Variants in AGBL1 observed in about 807,000 individuals in gnomAD.
AGBL1 encodes cytosolic carboxypeptidase 4.
AGBL1 carries 130 observed loss-of-function variants against 118.9 expected under a neutral mutation model. That is an observed-to-expected ratio of 1.09 (90% CI 0.95 to 1.26). The LOEUF (loss-of-function observed/expected upper bound fraction) is 1.26, where lower values mean the gene tolerates loss of function less well. Ranked by LOEUF, AGBL1 falls within the 50% of genes most tolerant of loss-of-function variation. The pLI is 0.00. For missense variants in AGBL1, 1,584 were observed against 1,298.1 expected (o/e 1.22, Z -3.38); for synonymous variants, 555 against 478.9 (o/e 1.16, Z -2.08).
chr15:86,129,380 A>G (rs1420104921), intron 1 of AGBL1, among the ~76,000 whole-genome samples: 1 of 152,164 alleles, frequency 6.6e-6, no homozygotes, highest in Non-Finnish European at 1.5e-5. Context: ...ATTGTCTTGG[A>G]GGAATGATTT....
chr15:86,859,767 A>G (rs1377968238), intron 22 of AGBL1, among the ~76,000 whole-genome samples: 3 of 152,170 alleles, frequency 2.0e-5, no homozygotes, highest in Non-Finnish European at 2.9e-5. Flanking sequence ...GAGTGCACAT[A>G]TGGAAGAAGA....
intron 22 of AGBL1, among the ~76,000 whole-genome samples, chr15:86,782,714 A>G (rs2078352207): frequency 6.6e-6 from 1 of 151,886 alleles, no homozygotes; most frequent in South Asian, 2.1e-4. Flanking sequence ...ATAGGTGGCA[A>G]TAGGGAAGTA....
chr15:86,497,030 T>C (rs1050719645), intron 18 of AGBL1, among the ~76,000 whole-genome samples: 1 of 151,994 alleles, frequency 6.6e-6, no homozygotes, highest in Non-Finnish European at 1.5e-5. Context: ...TTATCTAAAG[T>C]TGTGCAATAT....
At position 86,982,406 on chromosome 15, in the gene AGBL1, G is replaced by GT. The variant is rs142256504; in HGVS notation, c.3222-5571dup. The stretch of plus-strand genomic sequence containing the variant: ...GTACATTCTTATTTTCTTTTATCTT[G>GT]TTTTTTTTTTGCTATTATAAACATA... On this transcript the variant is annotated intron_variant, in intron 23 of 24. Coordinates refer to the AGBL1 transcript ENST00000441037. Among the ~76,000 whole-genome samples the GT allele has an allele frequency of 6.7e-3, 941 of 141,126 alleles. 4 individuals are homozygous for GT. Among genetic ancestry groups the GT allele is most frequent in the Admixed American group, 0.024 (343 of 14,186 alleles). The allele number at this position is 141,126 out of a possible 152,430, so 92.6% of individuals were successfully genotyped here.
chr15:86,435,524 A>G (rs1431231), intron 18 of AGBL1, among the ~76,000 whole-genome samples: 6,612 of 152,304 alleles, frequency 0.043, 231 homozygotes, highest in East Asian at 0.15. Context: ...TAAAAGAATA[A>G]TCTCCATGTG....
intron 23 of AGBL1, among the ~76,000 whole-genome samples, chr15:86,973,339 C>T (rs747280981): frequency 6.6e-6 from 1 of 152,010 alleles, no homozygotes; most frequent in Non-Finnish European, 1.5e-5. Context: ...AATTGCTACA[C>T]CATCAACAGT....
At chr15:86,437,116 T>A (rs558938516) in intron 18 of AGBL1, among the ~76,000 whole-genome samples, 51 of 152,290 alleles carry the variant, frequency 3.3e-4, no homozygotes, top group African/African-American at 1.2e-3. Context: ...TTTTTATAAT[T>A]TTATAAGTTA....
At chr15:86,706,086 T>C (rs1269896371) in intron 22 of AGBL1, among the ~76,000 whole-genome samples, 1 of 152,104 alleles carries the variant, frequency 6.6e-6, no homozygotes, top group Non-Finnish European at 1.5e-5. Flanking sequence ...AAATCAATTA[T>C]TAAATAACGT....
chr15:86,325,872 C>G (rs559826365), intron 17 of AGBL1, among the ~76,000 whole-genome samples: 35 of 152,212 alleles, frequency 2.3e-4, no homozygotes, highest in Non-Finnish European at 4.3e-4. Context: ...TTAATTTTTT[C>G]AATTTTCTCT....
chr15:87,019,702 A>G (rs1318733030), intron 24 of AGBL1, among the ~76,000 whole-genome samples: 1 of 152,112 alleles, frequency 6.6e-6, no homozygotes, highest in East Asian at 1.9e-4. Flanking sequence ...CTAACATCAC[A>G]ACTAAAAGAA....
intron 18 of AGBL1, among the ~76,000 whole-genome samples, chr15:86,400,655 T>G (rs748651448): frequency 6.7e-6 from 1 of 148,224 alleles, no homozygotes; most frequent in Non-Finnish European, 1.5e-5. Flanking sequence ...ATCATTCTCA[T>G]GTCTTTGCAT....
intron 22 of AGBL1, among the ~76,000 whole-genome samples, chr15:86,791,208 A>G (rs2078488838): frequency 6.6e-6 from 1 of 152,226 alleles, no homozygotes; most frequent in African/African-American, 2.4e-5. Context: ...TTAGTAAGCT[A>G]CTTAGGTCTG....
At position 86,700,902 on chromosome 15, in the gene AGBL1, A is replaced by G. The variant is rs544384256; in HGVS notation, c.3158+26466A>G. Reference sequence around the variant, plus strand: ...GCCTGGTGTTCATGTGGTCTCCACAAACAACCCCAAGAGACAGTCAGAGTC... The same window carrying G: ...GCCTGGTGTTCATGTGGTCTCCACAGACAACCCCAAGAGACAGTCAGAGTC... On this transcript the variant is annotated intron_variant, in intron 22 of 22. Transcript: ENST00000614907. Among the ~76,000 whole-genome samples the G allele has an allele frequency of 3.3e-5, 5 of 152,212 alleles. No homozygotes were observed. In the East Asian group the frequency reaches 7.7e-4, roughly 24 times the overall value.
At chr15:86,453,938 T>C (rs909861391) in intron 18 of AGBL1, among the ~76,000 whole-genome samples, 12 of 152,260 alleles carry the variant, frequency 7.9e-5, no homozygotes, top group African/African-American at 2.9e-4. Context: ...TCTCTTTCCA[T>C]TCTTTTCCAC....
intron 1 of AGBL1, among the ~76,000 whole-genome samples, chr15:86,139,512 G>A (rs28535781): frequency 0.044 from 6,664 of 152,166 alleles, 475 homozygotes; most frequent in African/African-American, 0.15. Flanking sequence ...GCCGGGTGTG[G>A]TGGCTCATGC....
intron 24 of AGBL1, among the ~76,000 whole-genome samples, chr15:86,991,929 A>G (rs556551857): frequency 5.9e-5 from 9 of 152,262 alleles, no homozygotes; most frequent in Admixed American, 5.2e-4. Flanking sequence ...TATCTTCCCT[A>G]TACCAGGTAC....
chr15:86,223,470 C>A (rs527382423), intron 5 of AGBL1, among the ~76,000 whole-genome samples: 26 of 152,260 alleles, frequency 1.7e-4, no homozygotes, highest in South Asian at 1.0e-3. Flanking sequence ...CTGGATTTTT[C>A]ACACAACTTG....
intron 18 of AGBL1, among the ~76,000 whole-genome samples, chr15:86,418,673 TG>T (rs2081737292): frequency 6.6e-6 from 1 of 152,152 alleles, no homozygotes; most frequent in African/African-American, 2.4e-5. Flanking sequence ...AAGCTAAGGG[TG>T]GGCTAAGCCA....
intron 4 of AGBL1, among the ~76,000 whole-genome samples, chr15:86,158,568 C>G (rs1362499151): frequency 6.6e-6 from 1 of 152,142 alleles, no homozygotes; most frequent in African/African-American, 2.4e-5. Flanking sequence ...GAGTAATATC[C>G]AAAAGTTGTA....
Sources: gnomAD v4.1 joint callset for allele counts (sites outside exome capture counted in the v4.1 genomes callset) on GRCh38, gnomAD v4.1.1 for gene constraint, MANE v1.5 for transcripts, NCBI Gene and HGNC (gene_info 2026-07-23, HGNC 2026-07-21) for gene names.